Variants in CFAP46 observed in about 807,000 individuals in gnomAD.
The protein encoded by CFAP46 is cilia and flagella associated protein 46.
In CFAP46, 245 loss-of-function variants were observed where a neutral mutation model predicts 325.7. The ratio of observed to expected loss-of-function variants is 0.75; its 90% CI spans 0.68 to 0.84. CFAP46 has a LOEUF of 0.84. Among genes scored for constraint, CFAP46 ranks in the 40% least tolerant of loss-of-function variants. The probability of loss-of-function intolerance (pLI) is 0.00; values close to 1 mark genes in which losing one functional copy is unlikely to be tolerated. For synonymous variants in CFAP46, 1,523 were observed against 1,495.9 expected (o/e 1.02, Z -0.42); for missense variants, 3,346 against 3,543.0 (o/e 0.94, Z 1.41).
rs896777947 is a variant in CFAP46, at chr10:132,912,742, G to A, written c.2412C>T (p.Ala804=). 58 of 1,550,108 alleles carry A rather than the reference G, an allele frequency of 3.7e-5. No individual in the cohort carries two copies. Among genetic ancestry groups the A allele is most frequent in the Middle Eastern group, 1.7e-4 (1 of 6,014 alleles). The change falls in exon 19 of 58, where the codon GCC becomes GCT. Residue 804 remains alanine (A), a synonymous_variant. Coordinates refer to ENST00000368586, the MANE Select transcript of CFAP46 (RefSeq NM_001200049.3). ...GTCGCATGAATTTCCTGGACTTCTCGGCAGCCTGGACTGGAATCCAGCTGA... is the reference window on the plus strand; with the variant it reads ...GTCGCATGAATTTCCTGGACTTCTCAGCAGCCTGGACTGGAATCCAGCTGA... The part of the protein sequence containing the change: ...LIISWIPVQA[A]EKSRKFMRPN...
rs1407642303 is a variant in CFAP46, at chr10:132,859,138, T to C, written c.5308A>G (p.Lys1770Glu). The change falls in exon 38 of 58, where the codon AAG becomes GAG. Residue 1770 changes from lysine (K) to glutamate (E), a missense_variant. Transcript: ENST00000368586. ...MDDGLLEIER[K>E]FIDCGCKENC... ...TCTTTGCAGCCACAGTCGATAAACT[T>C]TCTCTCAATTTCCAACAGGCCATCA... 13 of 1,550,866 alleles carry C rather than the reference T, an allele frequency of 8.4e-6. No homozygotes were observed. The highest frequency in any genetic ancestry group is 3.9e-5 in the Admixed American group (2 of 50,982).
intron 18 of CFAP46, 80 bp from the exon 19 acceptor site, chr10:132,912,900 G>C (rs527657094): frequency 1.3e-6 from 2 of 1,508,300 alleles, no homozygotes; most frequent in African/African-American, 2.8e-5. Context: ...CTCAGGTCAC[G>C]GTAAGAGGCC....
intron 13 of CFAP46, among the ~76,000 whole-genome samples, chr10:132,921,451 GTCCCATTACCCAAAGCCAGCTCAGGGTC>G (rs1164612850): frequency 6.6e-6 from 1 of 152,234 alleles, no homozygotes. Flanking sequence ...ACGGCCCCGT[GTCCCATTACCCAAAGCCAGCTCAGGGTC>G]TCCCTGGGAC....
At chr10:132,912,232 TC>T (rs781254820) in intron 19 of CFAP46, among the ~76,000 whole-genome samples, 245 of 123,534 alleles carry the variant, frequency 2.0e-3, no homozygotes, top group Middle Eastern at 4.1e-3. Context: ...TTCTCCTCTC[TC>T]CTGTCCTCTT....
At chr10:132,865,486 A>G (rs1848799066) in intron 35 of CFAP46, among the ~76,000 whole-genome samples, 1 of 152,206 alleles carries the variant, frequency 6.6e-6, no homozygotes, top group Non-Finnish European at 1.5e-5. Context: ...GCTAAGACCA[A>G]ACAGGTGCAG....
chr10:132,824,119 C>G (rs1317449542), intron 50 of CFAP46, among the ~76,000 whole-genome samples: 3 of 110,840 alleles, frequency 2.7e-5, no homozygotes, highest in African/African-American at 3.4e-5. Flanking sequence ...GCTGTGTGCG[C>G]TGATGTGTGC....
In CFAP46 at chr10:132,826,108, C is replaced by T. The variant is rs1413205782; in HGVS notation, c.7117+7250G>A. ...AGGAGCCGGAGCCACAGAGACCAGC[C>T]ACGGAGCCAGGCAGGAGCCGGAGCC... On this transcript the variant is annotated intron_variant, in intron 50 of 57. Coordinates refer to ENST00000368586, the MANE Select transcript of CFAP46 (RefSeq NM_001200049.3). 5.4e-4 allele frequency among the ~76,000 whole-genome samples: 75 copies of T among 138,118 alleles called. 4 individuals are homozygous for T. The highest frequency in any genetic ancestry group is 1.9e-3 in the African/African-American group (68 of 35,894). 90.6% of individuals were successfully genotyped at this position (138,118 alleles called of 152,430 possible). A position where few individuals can be genotyped will look rare whatever the true frequency, so the allele number is the denominator to read the frequency against.
intron 44 of CFAP46, among the ~76,000 whole-genome samples, chr10:132,845,561 C>G (rs1265496732): frequency 6.6e-6 from 1 of 152,252 alleles, no homozygotes; most frequent in African/African-American, 2.4e-5. Flanking sequence ...TCCCACAATT[C>G]AAGAAATGTC....
chr10:132,859,683 G>A (rs1848697109), intron 37 of CFAP46, among the ~76,000 whole-genome samples: 1 of 152,184 alleles, frequency 6.6e-6, no homozygotes, highest in Non-Finnish European at 1.5e-5. Context: ...CCACAGCAGG[G>A]CCCTGGGCTG....
intron 8 of CFAP46, among the ~76,000 whole-genome samples, chr10:132,932,826 C>G (rs185016893): frequency 4.5e-4 from 68 of 152,390 alleles, no homozygotes; most frequent in Admixed American, 1.0e-3. Context: ...GCTCTCCACT[C>G]TAAGGCTTCC....
At chr10:132,927,171 G>C (rs1225521622) in intron 9 of CFAP46, among the ~76,000 whole-genome samples, 2 of 152,174 alleles carry the variant, frequency 1.3e-5, no homozygotes, top group Non-Finnish European at 2.9e-5. Flanking sequence ...CCGCTCGAGG[G>C]GTGACACCCC....
rs1848089008 is a variant in CFAP46, at chr10:132,828,057, G to A, written c.7117+5301C>T. Among the ~76,000 whole-genome samples, 1 of 152,226 alleles carries A rather than the reference G, an allele frequency of 6.6e-6. No homozygotes were observed. Among genetic ancestry groups the A allele is most frequent in the African/African-American group, 2.4e-5 (1 of 41,456 alleles). ...TTGCCGGGCAGGACCCCACCACGTG[G>A]CCGCACCCCAATGTGCTCATCGCCC... On this transcript the variant is annotated intron_variant, in intron 50 of 57. Transcript: ENST00000368586. The surrounding 1 kb of genome is among the most constrained non-coding windows in gnomAD (Gnocchi z 4.9).
At chr10:132,909,048 TG>T in intron 21 of CFAP46, 88 bp downstream of exon 21, 1 of 921,522 alleles carries the variant, frequency 1.1e-6, no homozygotes, top group Non-Finnish European at 1.7e-6. Flanking sequence ...GCATGCACGA[TG>T]GGGCTCGAGT....
intron 17 of CFAP46, among the ~76,000 whole-genome samples, chr10:132,915,113 T>A (rs903683089): frequency 6.6e-6 from 1 of 152,258 alleles, no homozygotes; most frequent in Admixed American, 6.5e-5. Flanking sequence ...CTCCATATAG[T>A]CTTCACTGTA....
chr10:132,814,194 G>T lies in CFAP46; in HGVS notation c.7346C>A (p.Thr2449Lys). The T allele has an allele frequency of 6.2e-7, 1 of 1,613,978 alleles. No homozygotes were observed. Among genetic ancestry groups the T allele is most frequent in the Non-Finnish European group, 8.5e-7 (1 of 1,179,996 alleles). The change falls in exon 54 of 58, where the codon ACG becomes AAG. Residue 2449 changes from threonine to lysine, a missense_variant. Coordinates refer to ENST00000368586, the MANE Select transcript of CFAP46 (RefSeq NM_001200049.3). ...DILERFQDTF[T>K]SRWAGHLGSK... is the part of the protein sequence containing the mutation. ...TCCCAGATGTCCCGCCCATCGCGAC[G>T]TGAATGTGTCTTGGAATCTTTCCAA...
chr10:132,853,201 T>C (rs145124020), intron 39 of CFAP46, among the ~76,000 whole-genome samples: 437 of 152,334 alleles, frequency 2.9e-3, no homozygotes, highest in Middle Eastern at 0.01. Context: ...TAGATGTCCT[T>C]TATCAGGTTG....
intron 7 of CFAP46, among the ~76,000 whole-genome samples, chr10:132,935,606 C>T (rs1180575316): frequency 7.2e-6 from 1 of 139,268 alleles, no homozygotes; most frequent in Admixed American, 7.1e-5. Context: ...GTGATCTCCT[C>T]GCTCCCCTCG....
At chr10:132,852,724 T>C (rs1848579127) in intron 39 of CFAP46, among the ~76,000 whole-genome samples, 1 of 152,384 alleles carries the variant, frequency 6.6e-6, no homozygotes, top group Admixed American at 6.5e-5. Context: ...CATTTCTCCA[T>C]TTACCTAGGT....
chr10:132,930,593 C>CT (rs202243500), intron 8 of CFAP46, among the ~76,000 whole-genome samples: 7 of 115,024 alleles, frequency 6.1e-5, no homozygotes, highest in East Asian at 2.9e-4. Flanking sequence ...AAACCTGGGC[C>CT]TCCCCACACT....
Sources: allele counts gnomAD v4.1 joint callset (sites outside exome capture counted in the v4.1 genomes callset), GRCh38; gene constraint gnomAD v4.1.1; non-coding constraint Gnocchi (gnomAD v3.1); transcripts MANE v1.5; gene names NCBI Gene and HGNC (gene_info 2026-07-23, HGNC 2026-07-21).